Variants in NCOA1 observed in about 807,000 individuals in gnomAD.
NCOA1 encodes nuclear receptor coactivator 1, also known as Hin-2 protein.
A neutral mutation model predicts 150.9 loss-of-function variants in NCOA1; 35 were observed. The observed-to-expected ratio is 0.23, with a 90% CI of 0.18 to 0.31. The LOEUF (loss-of-function observed/expected upper bound fraction) is 0.31, where lower values mean the gene tolerates loss of function less well. Ranked by LOEUF, NCOA1 falls within the 10% of genes least tolerant of loss-of-function variation. The probability of loss-of-function intolerance (pLI) is 1.00; values close to 1 mark genes in which losing one functional copy is unlikely to be tolerated. For synonymous variants in NCOA1, 590 were observed against 630.0 expected (o/e 0.94, Z 0.95); for missense variants, 1,491 against 1,749.3 (o/e 0.85, Z 2.63).
At chr2:24,496,922 T>TA (rs1394989333) in intron 1 of NCOA1, among the ~76,000 whole-genome samples, 1 of 152,212 alleles carries the variant, frequency 6.6e-6, no homozygotes, top group Non-Finnish European at 1.5e-5. Flanking sequence ...TCAAATATTG[T>TA]AAAAAGGTAT....
At chr2:24,514,322 GA>G (rs1174823018) in intron 1 of NCOA1, among the ~76,000 whole-genome samples, 13 of 129,232 alleles carry the variant, frequency 1.0e-4, no homozygotes, top group Non-Finnish European at 2.0e-4. Flanking sequence ...AAAACAAAAA[GA>G]AAAAAAGAAA....
chr2:24,591,473 A>G (rs1210417538), intron 3 of NCOA1, among the ~76,000 whole-genome samples: 1 of 152,190 alleles, frequency 6.6e-6, no homozygotes, highest in Admixed American at 6.5e-5. Flanking sequence ...AACTCTTAGC[A>G]CACTGCCTGG....
At chr2:24,685,734 A>G (rs1672369514) in intron 8 of NCOA1, among the ~76,000 whole-genome samples, 1 of 152,164 alleles carries the variant, frequency 6.6e-6, no homozygotes, top group Non-Finnish European at 1.5e-5. Context: ...CCTGGCTGGT[A>G]TTAAATTCTT....
chr2:24,550,293 C>A (rs1195827599), intron 1 of NCOA1, among the ~76,000 whole-genome samples: 1 of 152,192 alleles, frequency 6.6e-6, no homozygotes, highest in East Asian at 1.9e-4. Flanking sequence ...AACCAACTTA[C>A]CATATTAGTC....
At chr2:24,522,005 T>C (rs1664435906) in intron 1 of NCOA1, among the ~76,000 whole-genome samples, 1 of 151,996 alleles carries the variant, frequency 6.6e-6, no homozygotes, top group Non-Finnish European at 1.5e-5. Context: ...CCGCCCCCCA[T>C]ACATAGTACC....
chr2:24,691,146 G>A (rs1050718920), intron 8 of NCOA1, among the ~76,000 whole-genome samples: 14 of 152,136 alleles, frequency 9.2e-5, no homozygotes, highest in African/African-American at 3.4e-4. Flanking sequence ...AGTATAACTG[G>A]AAACCAACTG....
At chr2:24,511,924 CA>C (rs1663951348) in intron 1 of NCOA1, among the ~76,000 whole-genome samples, 1 of 151,958 alleles carries the variant, frequency 6.6e-6, no homozygotes. Context: ...ACAGTGGGGA[CA>C]AAAGCTCATT....
Position 24,741,837 on chromosome 2 carries a change from A to G in NCOA1, c.3357A>G (p.Gln1119=), listed in dbSNP as rs1235830187. Reference sequence around the variant, plus strand: ...AACGTCAGCGGGAACTGTACAGTCAACAGCACCGACAGAGGCAGCTAATAC... The same window carrying G: ...AACGTCAGCGGGAACTGTACAGTCAGCAGCACCGACAGAGGCAGCTAATAC... ...LAQRQRELYS[Q]QHRQRQLIQQ... is the part of the protein sequence containing the mutation. Residue 1119 remains glutamine (Q), a synonymous_variant, in exon 19 of 23, where the codon CAA becomes CAG. Coordinates refer to ENST00000348332, the MANE Select transcript of NCOA1 (RefSeq NM_003743.5). The G allele has an allele frequency of 6.2e-7, 1 of 1,614,216 alleles. No individual in the cohort carries two copies. The highest frequency in any genetic ancestry group is 2.2e-5 in the East Asian group (1 of 44,892).
intron 3 of NCOA1, among the ~76,000 whole-genome samples, chr2:24,590,314 C>T (rs368931965): frequency 1.1e-4 from 16 of 152,232 alleles, no homozygotes; most frequent in South Asian, 8.3e-4. Flanking sequence ...TCAGTACTCC[C>T]GTTTCTCAAG....
At chr2:24,548,373 C>T (rs1324117287) in intron 1 of NCOA1, among the ~76,000 whole-genome samples, 2 of 152,230 alleles carry the variant, frequency 1.3e-5, no homozygotes, top group Non-Finnish European at 1.5e-5. Context: ...TCAATTACCT[C>T]CTACCAGGTC....
At chr2:24,645,510 G>GAAAA (rs397873594) in intron 4 of NCOA1, among the ~76,000 whole-genome samples, 1 of 73,330 alleles carries the variant, frequency 1.4e-5, no homozygotes, top group Non-Finnish European at 2.5e-5. Flanking sequence ...ACTCCTCTCA[G>GAAAA]AAAAAAAAAA....
At chr2:24,602,327 AGTAGCT>A (rs1668159190) in intron 3 of NCOA1, among the ~76,000 whole-genome samples, 1 of 152,034 alleles carries the variant, frequency 6.6e-6, no homozygotes, top group Non-Finnish European at 1.5e-5. Context: ...CAGCCTCCCC[AGTAGCT>A]GGGACTACAG....
chr2:24,620,693 T>G (rs1208498126), intron 3 of NCOA1, among the ~76,000 whole-genome samples: 1 of 151,780 alleles, frequency 6.6e-6, no homozygotes, highest in East Asian at 1.9e-4. Flanking sequence ...TTATTTTTGT[T>G]GTATGTTTTT....
At chr2:24,763,831 A>G (rs577040722) in intron 22 of NCOA1, among the ~76,000 whole-genome samples, 2 of 151,860 alleles carry the variant, frequency 1.3e-5, no homozygotes, top group Admixed American at 1.3e-4. Flanking sequence ...CATTTTGACC[A>G]GGCCGGTCTC....
chr2:24,497,419 TGTAATCCCAGCACTTTCAGA>T (rs1027778666), intron 1 of NCOA1, among the ~76,000 whole-genome samples: 24 of 152,308 alleles, frequency 1.6e-4, no homozygotes, highest in African/African-American at 5.5e-4. Context: ...GGCTCACATC[TGTAATCCCAGCACTTTCAGA>T]GACCAAGGCA....
At chr2:24,597,777 CTCT>C (rs1034647434) in intron 3 of NCOA1, among the ~76,000 whole-genome samples, 2 of 152,058 alleles carry the variant, frequency 1.3e-5, no homozygotes, top group African/African-American at 4.8e-5. Context: ...AAATGTGAAT[CTCT>C]TTTTTTTTAT....
At chr2:24,573,321 A>G (rs907217220) in intron 2 of NCOA1, among the ~76,000 whole-genome samples, 20 of 152,286 alleles carry the variant, frequency 1.3e-4, no homozygotes, top group African/African-American at 3.6e-4. Context: ...ATTTAGGTGT[A>G]AGTTACTAAA....
intron 5 of NCOA1, among the ~76,000 whole-genome samples, chr2:24,662,938 CCAT>C (rs1671250911): frequency 1.3e-5 from 2 of 151,402 alleles, no homozygotes; most frequent in Admixed American, 1.3e-4. Context: ...CAGGCGCACA[CCAT>C]CACGCCTGGC....
intron 3 of NCOA1, among the ~76,000 whole-genome samples, chr2:24,615,094 C>T (rs1668815691): frequency 1.3e-5 from 2 of 152,222 alleles, no homozygotes; most frequent in African/African-American, 2.4e-5. Flanking sequence ...TCTTAACCTA[C>T]CATCTTTACA....
Sources: allele counts gnomAD v4.1 joint callset (sites outside exome capture counted in the v4.1 genomes callset), GRCh38; gene constraint gnomAD v4.1.1; transcripts MANE v1.5; gene names NCBI Gene and HGNC (gene_info 2026-07-23, HGNC 2026-07-21).